The following DYNC2I1 variants were observed in gnomAD, a reference collection of about 807,000 sequenced individuals.
DYNC2I1 encodes cytoplasmic dynein 2 intermediate chain 1.
A neutral mutation model predicts 133.4 loss-of-function variants in DYNC2I1; 89 were observed. The observed-to-expected ratio is 0.67, with a 90% CI of 0.56 to 0.80. DYNC2I1 has a LOEUF of 0.80. Among genes scored for constraint, DYNC2I1 ranks in the 30% least tolerant of loss-of-function variants. The pLI is 0.00. For synonymous variants in DYNC2I1, 504 were observed against 484.3 expected, an observed-to-expected ratio of 1.04 and a Z score of -0.54; for missense variants, 1,291 against 1,314.5, an observed-to-expected ratio of 0.98 and a Z score of 0.28.
chr7:158,902,094 C>T (rs927195578), intron 9 of DYNC2I1, among the ~76,000 whole-genome samples: 4 of 152,168 alleles, frequency 2.6e-5, no homozygotes, highest in African/African-American at 7.2e-5. Context: ...AAAATACATA[C>T]ACTTTCACAT....
intron 14 of DYNC2I1, among the ~76,000 whole-genome samples, chr7:158,914,670 T>C (rs1048011333): frequency 1.3e-5 from 2 of 152,198 alleles, no homozygotes; most frequent in African/African-American, 4.8e-5. Context: ...AAACTTCTGA[T>C]TTTACAAGCT....
chr7:158,951,701 C>T (rs1342641832), intron 4 of DYNC2I1, among the ~76,000 whole-genome samples: 1 of 152,180 alleles, frequency 6.6e-6, no homozygotes, highest in Non-Finnish European at 1.5e-5. Context: ...GAGTCTTCAC[C>T]CCTCTAACTC....
intron 11 of DYNC2I1, among the ~76,000 whole-genome samples, chr7:158,906,497 T>G (rs1405572564): frequency 1.3e-5 from 2 of 152,234 alleles, no homozygotes; most frequent in Non-Finnish European, 2.9e-5. Context: ...TCACTCTTGT[T>G]GCCCAGGCTG....
At chr7:158,884,193 C>T (rs746132304) in intron 5 of DYNC2I1, among the ~76,000 whole-genome samples, 13 of 151,422 alleles carry the variant, frequency 8.6e-5, no homozygotes, top group Non-Finnish European at 1.6e-4. Flanking sequence ...TACAGGCGCC[C>T]GCCACCACGC....
intron 5 of DYNC2I1, among the ~76,000 whole-genome samples, chr7:158,881,988 C>T (rs1844080238): frequency 6.6e-6 from 1 of 152,146 alleles, no homozygotes; most frequent in South Asian, 2.1e-4. Flanking sequence ...TAGTTCCACC[C>T]AGAAATGCCT....
intron 1 of DYNC2I1, among the ~76,000 whole-genome samples, chr7:158,863,175 G>T (rs1258256496): frequency 6.6e-6 from 1 of 152,022 alleles, no homozygotes; most frequent in Non-Finnish European, 1.5e-5. Flanking sequence ...CCACATCGTG[G>T]TGCGTTTACA....
At chr7:158,868,725 C>G (rs547089467) in intron 1 of DYNC2I1, among the ~76,000 whole-genome samples, 1 of 152,162 alleles carries the variant, frequency 6.6e-6, no homozygotes, top group African/African-American at 2.4e-5. Flanking sequence ...CTTTCTCTGC[C>G]GATCCTTGAG....
At position 158,856,618 on chromosome 7, in the gene DYNC2I1, G is replaced by A. The variant is rs1298278211; in HGVS notation, c.-118G>A. ...GGGCCCTCTGCTGCTCCTGCTTGTC[G>A]GTTGCTAGGCGCTGGGACGCGCCTC... On this transcript the variant is annotated 5_prime_UTR_variant, in exon 1 of 25. Transcript: ENST00000407559. 10 of 1,086,402 alleles carry A rather than the reference G, an allele frequency of 9.2e-6. No individual in the cohort carries two copies. In the East Asian group the frequency reaches 2.9e-4, roughly 32 times the overall value. 67.3% of individuals were successfully genotyped at this position (1,086,402 alleles called of 1,614,324 possible). A position where few individuals can be genotyped will look rare whatever the true frequency, so the allele number is the denominator to read the frequency against.
At chr7:158,854,375 A>C (rs1841118555), upstream of DYNC2I1, among the ~76,000 whole-genome samples, 1 of 152,058 alleles carries the variant, frequency 6.6e-6, no homozygotes, top group South Asian at 2.1e-4. Context: ...GAGGGTTTGC[A>C]TCATTCTCAG....
Position 158,912,591 on chromosome 7 carries a change from C to G in DYNC2I1, c.1591-394C>G, listed in dbSNP as rs555788463. ...ATTAATCCTGGTTTTGCAGCTGATT[C>G]ACTCTGACCTTAAGTAGATTATTTA... On this transcript the variant is annotated intron_variant, in intron 12 of 24. Coordinates refer to ENST00000407559, the MANE Select transcript of DYNC2I1 (RefSeq NM_018051.5). Among the ~76,000 whole-genome samples, 5 of 152,310 alleles carry G rather than the reference C, an allele frequency of 3.3e-5. No homozygotes were observed. In the South Asian group the frequency reaches 1.0e-3, roughly 32 times the overall value.
At chr7:158,879,598 G>A (rs1446798876) in intron 4 of DYNC2I1, 86 bp from the exon 5 acceptor site, 5 of 1,410,158 alleles carry the variant, frequency 3.5e-6, no homozygotes, top group East Asian at 2.4e-5. Flanking sequence ...GGTTGGATCC[G>A]TCGTTGCAGA....
intron 6 of DYNC2I1, among the ~76,000 whole-genome samples, chr7:158,885,410 C>T (rs1453297404): frequency 2.0e-5 from 3 of 151,096 alleles, no homozygotes; most frequent in East Asian, 1.9e-4. Flanking sequence ...GGCGCAATCT[C>T]GGCTCACTGC....
At chr7:158,876,576 G>T in intron 3 of DYNC2I1, 33 bp from the exon 4 acceptor site, 1 of 1,533,472 alleles carries the variant, frequency 6.5e-7, no homozygotes, top group South Asian at 1.3e-5. Context: ...GCTAACATTT[G>T]GGAGTATTAA....
Position 158,891,461 on chromosome 7 carries a change from A to C in DYNC2I1, c.1059+128A>C, listed in dbSNP as rs12672574. The C allele has an allele frequency of 4.0e-6, 4 of 998,586 alleles. No individual in the cohort carries two copies. In the African/African-American group the frequency reaches 6.3e-5, roughly 16 times the overall value. 61.9% of individuals were successfully genotyped at this position (998,586 alleles called of 1,614,324 possible). ...CCCTTTCAGACAGCAGAACATGAGC[A>C]TGAAGGGACAGATGAGATTTTCATA... On this transcript the variant is annotated intron_variant, in intron 8 of 24. Transcript: ENST00000407559.
intron 14 of DYNC2I1, among the ~76,000 whole-genome samples, chr7:158,915,284 GAGATTAAGGATGATTGTGAA>G (rs1847960481): frequency 2.0e-5 from 3 of 152,312 alleles, no homozygotes; most frequent in Non-Finnish European, 2.9e-5. Flanking sequence ...CACGGTGGTT[GAGATTAAGGATGATTGTGAA>G]ACCTGGACAC....
In DYNC2I1 at chr7:158,918,798, G is replaced by C. The variant is rs772127693; in HGVS notation, c.1850G>C (p.Arg617Thr). The C allele has an allele frequency of 2.5e-6, 4 of 1,613,756 alleles. No individual in the cohort carries two copies. Among genetic ancestry groups the C allele is most frequent in the South Asian group, 2.2e-5 (2 of 91,088 alleles). The change falls in exon 15 of 25, where the codon AGG (arginine) becomes ACG (threonine). Residue 617 changes from arginine (R) to threonine (T), a missense_variant. By Grantham distance (71) the Arg-to-Thr change is moderately conservative. Transcript: ENST00000407559. ...RLAAEPSWNL[R>T]AQDRALYFSD... ...GCAGCTGAACCCAGCTGGAATCTTAGGGCTCAAGACAGGGCCCTGTATTTT... is the reference window on the plus strand; with the variant it reads ...GCAGCTGAACCCAGCTGGAATCTTACGGCTCAAGACAGGGCCCTGTATTTT...
chr7:158,919,231 G>A (rs1424602286), intron 15 of DYNC2I1, among the ~76,000 whole-genome samples: 3 of 152,310 alleles, frequency 2.0e-5, no homozygotes, highest in South Asian at 2.1e-4. Flanking sequence ...ATAGTTGGAC[G>A]AGCATGAGAG....
intron 23 of DYNC2I1, among the ~76,000 whole-genome samples, chr7:158,939,854 T>C (rs1289058001): frequency 1.3e-5 from 2 of 152,110 alleles, no homozygotes; most frequent in Non-Finnish European, 2.9e-5. Context: ...AATCAAAGAC[T>C]GTAAAAAATG....
intron 1 of DYNC2I1, among the ~76,000 whole-genome samples, chr7:158,862,546 A>T (rs1168911558): frequency 1.7e-5 from 2 of 120,034 alleles, no homozygotes; most frequent in African/African-American, 7.1e-5. Flanking sequence ...GCAAGACCCT[A>T]TCTCTTAAAA....
Sources: gnomAD v4.1 joint callset for allele counts (sites outside exome capture counted in the v4.1 genomes callset) on GRCh38, gnomAD v4.1.1 for gene constraint, MANE v1.5 for transcripts, NCBI Gene and HGNC (gene_info 2026-07-23, HGNC 2026-07-21) for gene names.